KMT2E: variants seen among roughly 807,000 people sequenced by gnomAD.
KMT2E encodes lysine methyltransferase 2E (inactive), also known as histone reader KMT2E.
A neutral mutation model predicts 184.6 loss-of-function variants in KMT2E; 30 were observed. That is an observed-to-expected ratio of 0.16 (90% CI 0.12 to 0.22). The LOEUF (loss-of-function observed/expected upper bound fraction) is 0.22. Among genes scored for constraint, KMT2E ranks in the 10% least tolerant of loss-of-function variants. KMT2E has a pLI of 1.00. For missense variants in KMT2E, 2,023 were observed against 2,237.4 expected (o/e 0.90, Z 1.93); for synonymous variants, 815 against 776.5 (o/e 1.05, Z -0.82).
rs151304344 is a variant in KMT2E at position 105,047,358 on chromosome 7, A to G, written c.71+6335A>G. ...CAATGTAGGGAACTGTTTACCAGCT[A>G]AATTCCCAAATGCCAGCCAAGGGCC... is the stretch of plus-strand genomic sequence containing the variant. On this transcript the variant is annotated intron_variant, in intron 3 of 26. Transcript: ENST00000311117. 5.0e-3 allele frequency among the ~76,000 whole-genome samples: 766 copies of G among 152,364 alleles called. 4 individuals are homozygous for G. Among genetic ancestry groups the G allele is most frequent in the South Asian group, 0.012 (58 of 4,822 alleles).
chr7:105,041,235 A>G (rs946274037), intron 3 of KMT2E, among the ~76,000 whole-genome samples: 1 of 151,992 alleles, frequency 6.6e-6, no homozygotes, highest in African/African-American at 2.4e-5. Flanking sequence ...ATTACCACTA[A>G]TATTCATTAT....
At chr7:105,073,712 G>A (rs765011182) in intron 7 of KMT2E, 35 bp downstream of exon 7, 19 of 1,289,454 alleles carry the variant, frequency 1.5e-5, no homozygotes, top group East Asian at 4.6e-5. Context: ...ATTAAAATTC[G>A]TGTGATTGAG....
chr7:105,100,410 T>G (rs1798601322), intron 15 of KMT2E, among the ~76,000 whole-genome samples: 1 of 152,188 alleles, frequency 6.6e-6, no homozygotes, highest in South Asian at 2.1e-4. Flanking sequence ...GTTTCTGATC[T>G]TTCTTCCTCA....
rs763395274 is a variant in KMT2E at position 105,112,090 on chromosome 7, C to T, written c.4334C>T (p.Pro1445Leu). 1 of 1,614,182 alleles carries T rather than the reference C, an allele frequency of 6.2e-7. No homozygotes were observed. Among genetic ancestry groups the T allele is most frequent in the South Asian group, 1.1e-5 (1 of 91,086 alleles). Reference protein sequence around the residue: ...VPTKLHCPPSPHLENPPKSST... With the variant: ...VPTKLHCPPSLHLENPPKSST... ...ACAAAGTTGCACTGTCCTCCATCAC[C>T]TCACCTAGAAAATCCTCCAAAGTCA... Residue 1445 changes from proline (P) to leucine (L), a missense_variant, in exon 27 of 27, where the codon CCT (proline) becomes CTT (leucine). By Grantham distance (98) the Pro-to-Leu change is moderately conservative. This residue lies in a region of KMT2E where 1,108 missense variants were observed against 1,050.9 expected (regional missense o/e 1.05). Transcript: ENST00000311117.
intron 3 of KMT2E, among the ~76,000 whole-genome samples, chr7:105,060,157 CCTA>C (rs1796755903): frequency 6.6e-6 from 1 of 151,140 alleles, no homozygotes; most frequent in Admixed American, 6.6e-5. Context: ...ATCACCCCTG[CCTA>C]CTTATTGTAT....
intron 1 of KMT2E, among the ~76,000 whole-genome samples, chr7:105,031,102 A>G (rs1040389057): frequency 1.3e-5 from 2 of 152,164 alleles, no homozygotes; most frequent in Non-Finnish European, 2.9e-5. Context: ...CATGCCTGTA[A>G]TCCTAACACC....
At chr7:105,048,947 A>G (rs1796216890) in intron 3 of KMT2E, among the ~76,000 whole-genome samples, 1 of 152,232 alleles carries the variant, frequency 6.6e-6, no homozygotes, top group Admixed American at 6.5e-5. Context: ...TTAAGCAAGT[A>G]CTATTTCAAT....
chr7:105,083,719 TC>T (rs775747008), intron 13 of KMT2E, among the ~76,000 whole-genome samples: 5 of 151,446 alleles, frequency 3.3e-5, no homozygotes, highest in Non-Finnish European at 5.9e-5. Context: ...TTTATGACTT[TC>T]CCCCCCCAGA....
Position 105,112,701 on chromosome 7 carries a change from C to CAA in KMT2E, c.4946_4947dup (p.His1650AsnfsTer4). ...TGTACAACAGCCGAATTCCCATCAG[C>CAA]AACACTCTGTAGCACATGTAGTAGG... On this transcript the variant is annotated frameshift_variant, in exon 27 of 27. Coordinates refer to ENST00000311117, the MANE Select transcript of KMT2E (RefSeq NM_182931.3). LOFTEE classifies it high-confidence loss of function. 1 of 1,613,932 alleles carries CAA rather than the reference C, an allele frequency of 6.2e-7. No individual in the cohort carries two copies. Among genetic ancestry groups the CAA allele is most frequent in the Non-Finnish European group, 8.5e-7 (1 of 1,179,988 alleles).
intron 14 of KMT2E, among the ~76,000 whole-genome samples, chr7:105,090,585 A>G (rs1798160670): frequency 6.6e-6 from 1 of 152,184 alleles, no homozygotes; most frequent in Admixed American, 6.5e-5. Context: ...TTAAAGTCTT[A>G]AGCTGCAAAA....
chr7:105,022,620 C>T (rs978848331), intron 1 of KMT2E, among the ~76,000 whole-genome samples: 3 of 152,002 alleles, frequency 2.0e-5, no homozygotes, highest in Admixed American at 6.6e-5. Context: ...TATAAATATC[C>T]ACTTCCTCAT....
rs201118896 is a variant in KMT2E, at chr7:105,106,015, T to C, written c.2596+12T>C. The C allele has an allele frequency of 6.3e-6, 10 of 1,596,564 alleles. No individual in the cohort carries two copies. Among genetic ancestry groups the C allele is most frequent in the African/African-American group, 1.4e-5 (1 of 73,652 alleles). On this transcript the variant is annotated intron_variant, in intron 19 of 26. Coordinates refer to ENST00000311117, the MANE Select transcript of KMT2E (RefSeq NM_182931.3). ...CTGTTCCCTTCCAGGTAGAATTTTT[T>C]TTTCAGAGTTTTGGTTTGAGAAATG... is the stretch of plus-strand genomic sequence containing the variant.
intron 3 of KMT2E, among the ~76,000 whole-genome samples, chr7:105,059,975 GTTGTTTTTTTTTTTTTTT>G (rs1399267776): frequency 1.1e-4 from 5 of 45,616 alleles, no homozygotes; most frequent in Admixed American, 2.7e-4. Context: ...TTTTCTTGTT[GTTGTTTTTTTTTTTTTTT>G]TTTTTTTTTT....
chr7:105,036,337 T>A (rs1795657943), intron 1 of KMT2E, among the ~76,000 whole-genome samples: 1 of 151,866 alleles, frequency 6.6e-6, no homozygotes, highest in Admixed American at 6.6e-5. Context: ...CCCAGCTAAT[T>A]TTTGTATTTT....
Position 105,112,425 on chromosome 7 carries a change from T to C in KMT2E, c.4669T>C (p.Tyr1557His). 6.2e-7 allele frequency: 1 copy of C among 1,612,832 alleles called. No individual in the cohort carries two copies. The highest frequency in any genetic ancestry group is 8.5e-7 in the Non-Finnish European group (1 of 1,179,760). Reference sequence around the variant, plus strand: ...TCCTCCACCTCCTTCTTCGTCTTACTATCAAAACCAGCAGCCCTCTGCAAA... The same window carrying C: ...TCCTCCACCTCCTTCTTCGTCTTACCATCAAAACCAGCAGCCCTCTGCAAA... ...PPPPPPSSSYYQNQQPSANFQ... is the reference protein window; with the variant it reads ...PPPPPPSSSYHQNQQPSANFQ... Residue 1557 changes from tyrosine to histidine, a missense_variant, in exon 27 of 27, where the codon TAT becomes CAT. Physicochemically the swap from Tyr to His is moderately conservative, Grantham distance 83. Around this residue, in one of 8 missense-constraint regions of KMT2E, gnomAD observed 1,108 missense variants for 1,050.9 expected, o/e 1.05. Coordinates refer to ENST00000311117, the MANE Select transcript of KMT2E (RefSeq NM_182931.3).
At chr7:105,020,580 T>G (rs1330261257) in intron 1 of KMT2E, among the ~76,000 whole-genome samples, 1 of 152,146 alleles carries the variant, frequency 6.6e-6, no homozygotes. Flanking sequence ...CGAAACTGCA[T>G]CTCTAAAAAA....
intron 5 of KMT2E, chr7:105,064,165 T>TG (rs1796936339): frequency 2.0e-4 from 7 of 35,000 alleles, no homozygotes; most frequent in Admixed American, 1.8e-3. Context: ...TTTTTCTTGG[T>TG]TTTTTTTTTT....
chr7:105,063,159 T>G (rs1315273522), intron 4 of KMT2E, among the ~76,000 whole-genome samples, 192 bp from the exon 5 acceptor site: 1 of 152,106 alleles, frequency 6.6e-6, no homozygotes, highest in East Asian at 1.9e-4. Flanking sequence ...TGTAGATAGA[T>G]ATATTCACTT....
intron 13 of KMT2E, among the ~76,000 whole-genome samples, chr7:105,083,922 C>A (rs1486217498): frequency 6.6e-6 from 1 of 152,074 alleles, no homozygotes; most frequent in Non-Finnish European, 1.5e-5. Flanking sequence ...AATTTTAGGT[C>A]TTTCATATTC....
Sources: gnomAD v4.1 joint callset for allele counts (sites outside exome capture counted in the v4.1 genomes callset) on GRCh38, gnomAD v4.1.1 for gene constraint, gnomAD v4.1.1 regional missense constraint, MANE v1.5 for transcripts, NCBI Gene and HGNC (gene_info 2026-07-23, HGNC 2026-07-21) for gene names.